Variants in AP2B1 observed in about 807,000 individuals in gnomAD.
AP2B1 encodes AP-2 complex subunit beta.
Under a neutral mutation model 102.0 loss-of-function variants are expected in AP2B1, and 23 were observed. The ratio of observed to expected loss-of-function variants is 0.23; its 90% CI spans 0.16 to 0.32. The LOEUF (loss-of-function observed/expected upper bound fraction) is 0.32, where lower values mean the gene tolerates loss of function less well. Among genes scored for constraint, AP2B1 ranks in the 10% least tolerant of loss-of-function variants. The probability of loss-of-function intolerance (pLI) is 1.00; values close to 1 mark genes in which losing one functional copy is unlikely to be tolerated. For missense variants in AP2B1, 541 were observed against 1,157.4 expected, an observed-to-expected ratio of 0.47 and a Z score of 7.73; for synonymous variants, 381 against 421.2, an observed-to-expected ratio of 0.90 and a Z score of 1.17.
intron 20 of AP2B1, among the ~76,000 whole-genome samples, chr17:35,714,337 T>C (rs141365593): frequency 6.6e-6 from 1 of 152,320 alleles, no homozygotes; most frequent in Non-Finnish European, 1.5e-5. Context: ...GGTTTTGAAC[T>C]TGCTAATAAA....
chr17:35,613,377 G>T (rs1410901244), intron 5 of AP2B1, among the ~76,000 whole-genome samples: 1 of 151,988 alleles, frequency 6.6e-6, no homozygotes, highest in Non-Finnish European at 1.5e-5. Context: ...GTGCCTTGCT[G>T]CAGGTAACAA....
chr17:35,692,509 T>C (rs1041160006), intron 18 of AP2B1, among the ~76,000 whole-genome samples: 1 of 152,216 alleles, frequency 6.6e-6, no homozygotes, highest in African/African-American at 2.4e-5. Flanking sequence ...CTCTTTCTCG[T>C]CCCAGCTGAT....
chr17:35,612,705 G>A (rs2073898297), intron 5 of AP2B1, among the ~76,000 whole-genome samples: 1 of 152,144 alleles, frequency 6.6e-6, no homozygotes, highest in Non-Finnish European at 1.5e-5. Flanking sequence ...TAGTAGTAAT[G>A]TAGCTAGGAT....
intron 1 of AP2B1, among the ~76,000 whole-genome samples, chr17:35,591,370 G>T (rs965479882): frequency 4.6e-5 from 7 of 151,740 alleles, no homozygotes; most frequent in Non-Finnish European, 8.8e-5. Flanking sequence ...ACGGAGTTTC[G>T]CCACGTTCCC....
chr17:35,667,571 A>G (rs774996916), intron 14 of AP2B1, among the ~76,000 whole-genome samples: 3 of 152,230 alleles, frequency 2.0e-5, no homozygotes, highest in Admixed American at 6.5e-5. Context: ...CTAAGATAAT[A>G]TTCATATATC....
At chr17:35,621,933 C>G (rs2074190787) in intron 5 of AP2B1, among the ~76,000 whole-genome samples, 1 of 152,012 alleles carries the variant, frequency 6.6e-6, no homozygotes, top group South Asian at 2.1e-4. Context: ...AACTGGTAAC[C>G]AAGACTGGGC....
intron 1 of AP2B1, among the ~76,000 whole-genome samples, chr17:35,592,406 G>A (rs1272950572): frequency 6.6e-6 from 1 of 152,056 alleles, no homozygotes. Flanking sequence ...AGGCTGGAGT[G>A]CAGTGGTGAG....
chr17:35,599,530 C>T (rs948006456), intron 3 of AP2B1, among the ~76,000 whole-genome samples: 3 of 152,168 alleles, frequency 2.0e-5, no homozygotes, highest in African/African-American at 7.2e-5. Context: ...GTCAGCATAG[C>T]TCAGTGAACC....
chr17:35,677,915 A>G (rs1419068428), intron 17 of AP2B1, among the ~76,000 whole-genome samples: 1 of 150,862 alleles, frequency 6.6e-6, no homozygotes, highest in East Asian at 1.9e-4. Context: ...GCTGGAATGC[A>G]ATGGTGTCAT....
chr17:35,614,142 C>G (rs910974721), intron 5 of AP2B1, among the ~76,000 whole-genome samples: 1 of 152,054 alleles, frequency 6.6e-6, no homozygotes, highest in African/African-American at 2.4e-5. Flanking sequence ...TCCAGAGATG[C>G]TCTTGACAGC....
At chr17:35,707,372 C>T (rs2076362787) in intron 18 of AP2B1, among the ~76,000 whole-genome samples, 1 of 151,502 alleles carries the variant, frequency 6.6e-6, no homozygotes, top group Non-Finnish European at 1.5e-5. Flanking sequence ...AGGATGGTCT[C>T]GGTCTCCTGA....
chr17:35,599,424 A>G (rs531769690), intron 3 of AP2B1, among the ~76,000 whole-genome samples: 11 of 152,262 alleles, frequency 7.2e-5, no homozygotes, highest in South Asian at 2.1e-4. Flanking sequence ...ATCTCCCATC[A>G]TAAGCTTGAC....
chr17:35,645,927 T>C (rs1317035533), intron 12 of AP2B1, among the ~76,000 whole-genome samples: 1 of 152,194 alleles, frequency 6.6e-6, no homozygotes, highest in Non-Finnish European at 1.5e-5. Context: ...ATAGAAGTCT[T>C]CATGTTTTTC....
intron 18 of AP2B1, among the ~76,000 whole-genome samples, chr17:35,692,563 T>A (rs226084): frequency 0.87 from 132,445 of 152,208 alleles, 58,037 homozygotes; most frequent in African/African-American, 0.97. Context: ...ACTCACTCAG[T>A]TTTTTCCTCA....
chr17:35,641,137 C>T (rs1461962805), intron 11 of AP2B1, among the ~76,000 whole-genome samples: 1 of 152,236 alleles, frequency 6.6e-6, no homozygotes, highest in Admixed American at 6.5e-5. Context: ...TGTAATCTGA[C>T]ATAATTCTAC....
chr17:35,627,859 G>A (rs977394011), intron 9 of AP2B1, 133 bp downstream of exon 9: 4 of 693,752 alleles, frequency 5.8e-6, no homozygotes, highest in Non-Finnish European at 9.2e-6. Context: ...ATTTTTAATG[G>A]AAAGCAGCTG....
intron 1 of AP2B1, 160 bp downstream of exon 1, chr17:35,587,588 G>C (rs1444378337): frequency 6.6e-6 from 1 of 152,554 alleles, no homozygotes; most frequent in East Asian, 1.9e-4. Flanking sequence ...TGACCATTGA[G>C]AGGGAAAAGG....
At chr17:35,661,088 A>G (rs2075348466) in intron 14 of AP2B1, among the ~76,000 whole-genome samples, 1 of 152,128 alleles carries the variant, frequency 6.6e-6, no homozygotes, top group African/African-American at 2.4e-5. Context: ...TGGGTTTCTA[A>G]CAGAACCTCA....
At chr17:35,588,191 T>A (rs1457190966) in intron 1 of AP2B1, among the ~76,000 whole-genome samples, 1 of 149,616 alleles carries the variant, frequency 6.7e-6, no homozygotes, top group Non-Finnish European at 1.5e-5. Flanking sequence ...ATCCAAATCA[T>A]TTGTTCATGC....
Sources: allele counts gnomAD v4.1 joint callset (sites outside exome capture counted in the v4.1 genomes callset), GRCh38; gene constraint gnomAD v4.1.1; transcripts MANE v1.5; gene names NCBI Gene and HGNC (gene_info 2026-07-23, HGNC 2026-07-21).